The following GBF1 variants were observed in gnomAD, a reference collection of about 807,000 sequenced individuals.
GBF1 encodes the protein Golgi-specific brefeldin A-resistance guanine nucleotide exchange factor 1.
Under a neutral mutation model 210.5 loss-of-function variants are expected in GBF1, and 114 were observed. The ratio of observed to expected loss-of-function variants is 0.54; its 90% confidence interval spans 0.47 to 0.63. The LOEUF is 0.63. GBF1 is among the 30% of genes least tolerant of loss of function. The pLI is 0.00. For synonymous variants in GBF1, 850 were observed against 889.2 expected (o/e 0.96, Z 0.78); for missense variants, 1,851 against 2,357.7 (o/e 0.79, Z 4.45).
At chr10:102,360,466 AT>A in intron 12 of GBF1, 71 bp downstream of exon 12, 1 of 1,032,026 alleles carries the variant, frequency 9.7e-7, no homozygotes, top group Non-Finnish European at 1.5e-6. Flanking sequence ...GGTCTGGCTG[AT>A]TACGCAAAGA....
chr10:102,340,859 A>G (rs1227349230), intron 3 of GBF1, among the ~76,000 whole-genome samples: 2 of 152,238 alleles, frequency 1.3e-5, no homozygotes, highest in Non-Finnish European at 2.9e-5. Flanking sequence ...ATCTGTAAAC[A>G]TTTTAGGAGA....
intron 3 of GBF1, among the ~76,000 whole-genome samples, chr10:102,336,673 G>A (rs991209963): frequency 6.6e-6 from 1 of 152,084 alleles, no homozygotes; most frequent in East Asian, 1.9e-4. Context: ...AATCGTCCAC[G>A]AAAGCCCATG....
At chr10:102,293,582 A>G (rs992434995) in intron 3 of GBF1, among the ~76,000 whole-genome samples, 1 of 152,060 alleles carries the variant, frequency 6.6e-6, no homozygotes, top group Non-Finnish European at 1.5e-5. Flanking sequence ...CAGTGGGACA[A>G]GCTGTGGAGG....
At chr10:102,275,146 C>T (rs1051594498) in intron 3 of GBF1, among the ~76,000 whole-genome samples, 6 of 151,990 alleles carry the variant, frequency 3.9e-5, no homozygotes, top group East Asian at 1.9e-4. Context: ...TGAGCCACTG[C>T]GCCCAGCCAA....
rs1357905482 is a variant in GBF1, at chr10:102,358,139, C to T, written c.740C>T (p.Ser247Leu). The change falls in exon 9 of 40, where the codon TCA becomes TTA. Residue 247 changes from serine to leucine, a missense_variant. This residue lies in a region of GBF1 where 804 missense variants were observed against 958.6 expected (regional missense o/e 0.84). Coordinates refer to ENST00000369983, the MANE Select transcript of GBF1 (RefSeq NM_001377137.1). ...CATATGACCAAAGTCACACCAGGTT[C>T]AGAGCTGCCCACTCCCAATGGAACC... ...PRHMTKVTPG[S>L]ELPTPNGTTL... 2.5e-6 allele frequency: 4 copies of T among 1,613,712 alleles called. No homozygotes were observed. Among genetic ancestry groups the T allele is most frequent in the South Asian group, 1.1e-5 (1 of 91,076 alleles).
chr10:102,340,953 T>TA (rs1424861228), intron 3 of GBF1, among the ~76,000 whole-genome samples: 6 of 152,266 alleles, frequency 3.9e-5, no homozygotes, highest in Admixed American at 3.9e-4. Flanking sequence ...CATAAAATAT[T>TA]AATAAGTTGG....
intron 29 of GBF1, among the ~76,000 whole-genome samples, chr10:102,371,711 T>C (rs2060214568): frequency 6.6e-6 from 1 of 152,280 alleles, no homozygotes; most frequent in East Asian, 1.9e-4. Flanking sequence ...GGCAGATCAC[T>C]TGAGGTCAGG....
intron 3 of GBF1, among the ~76,000 whole-genome samples, chr10:102,323,064 A>G (rs1357511344): frequency 6.6e-6 from 1 of 151,810 alleles, no homozygotes; most frequent in East Asian, 1.9e-4. Context: ...CCAGCTGAAC[A>G]CCTCTTCTCA....
chr10:102,231,485 G>C, the GBF1 span: 2 of 758,262 alleles, frequency 2.6e-6, no homozygotes, highest in East Asian at 2.7e-5. Context: ...CGGGGTCCGG[G>C]GTCCGAGGGA....
chr10:102,361,251 TC>T, intron 13 of GBF1, 131 bp downstream of exon 13: 1 of 652,492 alleles, frequency 1.5e-6, no homozygotes, highest in Non-Finnish European at 2.8e-6. Flanking sequence ...CCTTTTAGCC[TC>T]CAGAGTTCGG....
chr10:102,361,948 G>A (rs185532369), intron 14 of GBF1, 36 bp downstream of exon 14: 390 of 1,328,828 alleles, frequency 2.9e-4, no homozygotes, highest in South Asian at 3.4e-4. Flanking sequence ...AGGAAAAAAC[G>A]CATTATAAAG....
intron 3 of GBF1, among the ~76,000 whole-genome samples, chr10:102,283,301 G>T (rs2075666293): frequency 6.6e-6 from 1 of 152,154 alleles, no homozygotes. Context: ...TGGACCCTCT[G>T]GTGACTATTG....
At chr10:102,274,858 C>T (rs1268900461) in intron 3 of GBF1, among the ~76,000 whole-genome samples, 2 of 151,090 alleles carry the variant, frequency 1.3e-5, no homozygotes, top group Non-Finnish European at 3.0e-5. Context: ...ATTACAGGCA[C>T]CCACCACCAC....
chr10:102,249,088 A>AT (rs1295970131), intron 1 of GBF1, among the ~76,000 whole-genome samples: 2 of 152,188 alleles, frequency 1.3e-5, no homozygotes, highest in Non-Finnish European at 2.9e-5. Flanking sequence ...AGTTAAAAGT[A>AT]TTTTTAAGCC....
At position 102,369,973 on chromosome 10, in the gene GBF1, G is replaced by C. The variant is rs767929383; in HGVS notation, c.3328G>C (p.Glu1110Gln). 1.9e-6 allele frequency: 3 copies of C among 1,614,152 alleles called. No individual in the cohort carries two copies. The highest frequency in any genetic ancestry group is 2.5e-6 in the Non-Finnish European group (3 of 1,179,990). Residue 1110 changes from glutamate (E) to glutamine (Q), a missense_variant, in exon 26 of 40, where the codon GAG becomes CAG. Physicochemically the swap from Glu to Gln is conservative, Grantham distance 29. Coordinates refer to ENST00000369983, the MANE Select transcript of GBF1 (RefSeq NM_001377137.1). The stretch of plus-strand genomic sequence containing the variant: ...CCAAGAGGCCAAGAGAGTGGCCTTA[G>C]AGTGTATAAAGGTAACTGCCCATCC... ...ENQEAKRVAL[E>Q]CIKQCDPEKM...
intron 3 of GBF1, among the ~76,000 whole-genome samples, chr10:102,323,352 A>G (rs1312348891): frequency 2.0e-5 from 3 of 151,912 alleles, no homozygotes; most frequent in Non-Finnish European, 4.4e-5. Flanking sequence ...CAAAGCAGTC[A>G]CAGACGAGAT....
In GBF1 at chr10:102,353,580, A is replaced by G; in HGVS notation, c.585-20A>G. The G allele has an allele frequency of 6.4e-7, 1 of 1,558,202 alleles. No individual in the cohort carries two copies. The highest frequency in any genetic ancestry group is 8.9e-7 in the Non-Finnish European group (1 of 1,129,040). On this transcript the variant is annotated intron_variant, in intron 7 of 39. Transcript: ENST00000369983. Reference sequence around the variant, plus strand: ...TTGTCATTATCCCTAATGACAGTTGATGGATTTTCTATCTTATAGGTTACC... The same window carrying G: ...TTGTCATTATCCCTAATGACAGTTGGTGGATTTTCTATCTTATAGGTTACC...
At chr10:102,276,967 C>A (rs2075036177) in intron 3 of GBF1, among the ~76,000 whole-genome samples, 1 of 126,438 alleles carries the variant, frequency 7.9e-6, no homozygotes, top group Non-Finnish European at 1.6e-5. Flanking sequence ...TTGCTACTTA[C>A]ACACACACAC....
chr10:102,380,713 A>AAAAG (rs771749499), intron 38 of GBF1, 27 bp downstream of exon 38: 17 of 1,562,158 alleles, frequency 1.1e-5, no homozygotes, highest in Non-Finnish European at 1.5e-5. Context: ...AGCTTTATCA[A>AAAAG]AAAGAGTCTC....
Sources: allele counts gnomAD v4.1 joint callset (sites outside exome capture counted in the v4.1 genomes callset), GRCh38; gene constraint gnomAD v4.1.1; regional missense constraint gnomAD v4.1.1; transcripts MANE v1.5; gene names NCBI Gene and HGNC (gene_info 2026-07-23, HGNC 2026-07-21).